Variants in ITGA1 observed in about 807,000 individuals in gnomAD.
ITGA1 encodes the protein integrin alpha-1.
In ITGA1, 85 loss-of-function variants were observed where a neutral mutation model predicts 145.9. That is an observed-to-expected ratio of 0.58 (90% CI 0.49 to 0.70). ITGA1 has a LOEUF of 0.70. Ranked by LOEUF, ITGA1 falls within the 30% of genes least tolerant of loss-of-function variation. The pLI is 0.00. For synonymous variants in ITGA1, 520 were observed against 495.3 expected (o/e 1.05, Z -0.66); for missense variants, 1,351 against 1,418.7 (o/e 0.95, Z 0.77).
intron 3 of ITGA1, 91 bp downstream of exon 3, chr5:52,861,650 C>G (rs78670198): frequency 1.3e-6 from 1 of 756,744 alleles, no homozygotes; most frequent in African/African-American, 1.7e-5. Context: ...ACAGGCATAT[C>G]GTTTGAGCCC....
intron 1 of ITGA1, among the ~76,000 whole-genome samples, chr5:52,799,235 A>G (rs1748404708): frequency 6.6e-6 from 1 of 152,082 alleles, no homozygotes; most frequent in African/African-American, 2.4e-5. Flanking sequence ...CTCCATTTCC[A>G]CTTCCTAATA....
chr5:52,811,888 G>A (rs569296377), intron 1 of ITGA1, among the ~76,000 whole-genome samples: 4 of 152,214 alleles, frequency 2.6e-5, no homozygotes, highest in South Asian at 4.2e-4. Flanking sequence ...CAAACCAGGC[G>A]GCACCAATCA....
chr5:52,806,266 A>G (rs957901487), intron 1 of ITGA1, among the ~76,000 whole-genome samples: 1 of 151,468 alleles, frequency 6.6e-6, no homozygotes, highest in Non-Finnish European at 1.5e-5. Context: ...CTAGGATGCA[A>G]TTATAATATT....
rs1032794443 is a variant in ITGA1 at position 52,920,452 on chromosome 5, A to G, written c.2276A>G (p.His759Arg). ...GTTCGAAAATCAGAATGCACTAAGC[A>G]CTCCTTCTACATGTTGGCAAGTAAA... ...ITVRKSECTK[H>R]SFYMLDKHDF... The change falls in exon 17 of 29, where the codon CAC becomes CGC. Residue 759 changes from histidine (H) to arginine (R), a missense_variant. Physicochemically the swap from His to Arg is conservative, Grantham distance 29. Transcript: ENST00000282588. 6.2e-7 allele frequency: 1 copy of G among 1,602,006 alleles called. No homozygotes were observed. Among genetic ancestry groups the G allele is most frequent in the Non-Finnish European group, 8.5e-7 (1 of 1,175,362 alleles).
chr5:52,906,146 C>A (rs1211360029), intron 12 of ITGA1, among the ~76,000 whole-genome samples: 2 of 151,940 alleles, frequency 1.3e-5, no homozygotes, highest in Non-Finnish European at 2.9e-5. Flanking sequence ...AATATATACA[C>A]AAGAAAAGAG....
chr5:52,805,367 T>C (rs1748569340), intron 1 of ITGA1, among the ~76,000 whole-genome samples: 1 of 152,056 alleles, frequency 6.6e-6, no homozygotes, highest in African/African-American at 2.4e-5. Flanking sequence ...GGAAGACTGG[T>C]TAAAAAAATG....
rs79744792 is a variant in ITGA1, at chr5:52,944,914, A to G, written c.3286-29A>G. The G allele has an allele frequency of 1.2e-3, 1,688 of 1,461,426 alleles. 13 individuals carry two copies. In the African/African-American group the frequency reaches 0.021, roughly 19 times the overall value. The allele number at this position is 1,461,426 out of a possible 1,614,324, so 90.5% of individuals were successfully genotyped here. On this transcript the variant is annotated intron_variant, in intron 26 of 28. Coordinates refer to ENST00000282588, the MANE Select transcript of ITGA1 (RefSeq NM_181501.2). ...GCTCTCATTTTGATTAGCATCATAT[A>G]TTAAGAACAAATCCTATTTGCTTTT...
intron 28 of ITGA1, among the ~76,000 whole-genome samples, chr5:52,951,388 T>C (rs895442817): frequency 6.6e-6 from 1 of 152,226 alleles, no homozygotes; most frequent in East Asian, 1.9e-4. Flanking sequence ...AGATCCCTTC[T>C]ATCCCCCATA....
chr5:52,815,034 C>T (rs1029840343), intron 1 of ITGA1, among the ~76,000 whole-genome samples: 17 of 152,164 alleles, frequency 1.1e-4, no homozygotes, highest in African/African-American at 3.9e-4. Context: ...CCACTCCCAA[C>T]ACACACTTGT....
intron 24 of ITGA1, among the ~76,000 whole-genome samples, chr5:52,937,769 A>G (rs915565818): frequency 2.0e-5 from 3 of 152,204 alleles, no homozygotes; most frequent in African/African-American, 7.2e-5. Flanking sequence ...GTCCAAAATC[A>G]AGGTGTTGAC....
At chr5:52,828,406 T>C (rs916432083) in intron 1 of ITGA1, among the ~76,000 whole-genome samples, 1 of 152,212 alleles carries the variant, frequency 6.6e-6, no homozygotes, top group Non-Finnish European at 1.5e-5. Context: ...CCCTAATAAT[T>C]AATGCTGTTG....
intron 28 of ITGA1, among the ~76,000 whole-genome samples, chr5:52,952,112 C>T (rs1358579204): frequency 6.6e-6 from 1 of 151,708 alleles, no homozygotes; most frequent in Non-Finnish European, 1.5e-5. Context: ...ATCACTTGAA[C>T]CCGGGTGGCG....
intron 6 of ITGA1, among the ~76,000 whole-genome samples, chr5:52,874,610 C>G (rs1326721300): frequency 1.3e-5 from 2 of 152,154 alleles, no homozygotes; most frequent in Admixed American, 6.5e-5. Flanking sequence ...TTTTCTCCCT[C>G]TTTCTTCTCT....
chr5:52,922,999 C>T, intron 18 of ITGA1, 112 bp downstream of exon 18: 1 of 629,066 alleles, frequency 1.6e-6, no homozygotes, highest in South Asian at 2.1e-5. Context: ...GAACAACTAA[C>T]TGGAAGAAAG....
chr5:52,826,842 A>G (rs1344259695), intron 1 of ITGA1, among the ~76,000 whole-genome samples: 1 of 152,214 alleles, frequency 6.6e-6, no homozygotes, highest in Non-Finnish European at 1.5e-5. Flanking sequence ...CTCATTGGTG[A>G]TATACCCAGT....
At position 52,955,350 on chromosome 5, in the gene ITGA1, TAGATAGATAGATA is replaced by T. The variant is rs1391262866; in HGVS notation, c.*2900_*2912del. ...TGAGACAGATTACACGATAGACAGA[TAGATAGATAGATA>T]GATAGATAGATAGATAGATAGATAG... On this transcript the variant is annotated 3_prime_UTR_variant, in exon 29 of 29. Coordinates refer to ENST00000282588, the MANE Select transcript of ITGA1 (RefSeq NM_181501.2). 6.0e-4 allele frequency: 3 copies of T among 5,040 alleles called. No homozygotes were observed. The highest frequency in any genetic ancestry group is 1.2e-3 in the African/African-American group (3 of 2,492). 0.3% of individuals were successfully genotyped at this position (5,040 alleles called of 1,614,324 possible).
chr5:52,864,840 G>A lies in ITGA1; in HGVS notation c.373G>A (p.Gly125Arg). The part of the protein sequence containing the change: ...FGSTLVTNPN[G>R]GFLACGPLYA... Reference sequence around the variant, plus strand: ...ATCAACTTTAGTCACCAACCCAAATGGAGGATTTCTGGTAAGAATGGAGAG... The same window carrying A: ...ATCAACTTTAGTCACCAACCCAAATAGAGGATTTCTGGTAAGAATGGAGAG... Residue 125 changes from glycine to arginine, a missense_variant, in exon 4 of 29, where the codon GGA becomes AGA. By Grantham distance (125) the Gly-to-Arg change is moderately radical (BLOSUM62 -2). Coordinates refer to ENST00000282588, the MANE Select transcript of ITGA1 (RefSeq NM_181501.2). 1 of 1,607,834 alleles carries A rather than the reference G, an allele frequency of 6.2e-7. No individual in the cohort carries two copies. Among genetic ancestry groups the A allele is most frequent in the Non-Finnish European group, 8.5e-7 (1 of 1,174,622 alleles).
intron 1 of ITGA1, among the ~76,000 whole-genome samples, chr5:52,805,194 G>A (rs529317194): frequency 2.5e-4 from 38 of 152,102 alleles, no homozygotes; most frequent in Non-Finnish European, 4.1e-4. Flanking sequence ...GATGGGGAGG[G>A]GAAGTGTGCT....
chr5:52,928,235 C>T (rs1750842416), intron 20 of ITGA1, among the ~76,000 whole-genome samples: 1 of 152,132 alleles, frequency 6.6e-6, no homozygotes, highest in African/African-American at 2.4e-5. Flanking sequence ...ATTTATACTA[C>T]ATAACATATC....
Sources: allele counts gnomAD v4.1 joint callset (sites outside exome capture counted in the v4.1 genomes callset), GRCh38; gene constraint gnomAD v4.1.1; transcripts MANE v1.5; gene names NCBI Gene and HGNC (gene_info 2026-07-23, HGNC 2026-07-21).